The following MTR variants were observed in gnomAD, a reference collection of about 807,000 sequenced individuals.
MTR encodes the protein methionine synthase.
In MTR, 84 loss-of-function variants were observed where a neutral mutation model predicts 154.8. The ratio of observed to expected loss-of-function variants is 0.54; its 90% CI spans 0.45 to 0.65. The LOEUF is 0.65. Among genes scored for constraint, MTR ranks in the 30% least tolerant of loss-of-function variants. The pLI, the probability that MTR is intolerant of heterozygous loss-of-function variation, is 0.00. For synonymous variants in MTR, 554 were observed against 553.9 expected, an observed-to-expected ratio of 1.00 and a Z score of 0.00; for missense variants, 1,275 against 1,570.2, an observed-to-expected ratio of 0.81 and a Z score of 3.18.
intron 17 of MTR, 25 bp downstream of exon 17, chr1:236,852,662 T>C: frequency 5.6e-6 from 9 of 1,598,432 alleles, no homozygotes; most frequent in Non-Finnish European, 6.9e-6. Flanking sequence ...CTCTTAGCCC[T>C]GCGGAAACCA....
intron 16 of MTR, 108 bp downstream of exon 16, chr1:236,850,631 T>C: frequency 9.3e-7 from 1 of 1,073,104 alleles, no homozygotes. Context: ...AATGTTAACA[T>C]TCTTAGTTAG....
rs1039419220 is a variant in MTR at position 236,809,759 on chromosome 1, C to G, written c.410-744C>G. Among the ~76,000 whole-genome samples, 2 of 152,116 alleles carry G rather than the reference C, an allele frequency of 1.3e-5. 1 individual carries two copies. Among genetic ancestry groups the G allele is most frequent in the Non-Finnish European group, 2.9e-5 (2 of 68,010 alleles). ...TCCAGTTAAATTACAAAGCATAGCC[C>G]AGGTTATTGAGTGGCTAAAGTCATC... is the stretch of plus-strand genomic sequence containing the variant. On this transcript the variant is annotated intron_variant, in intron 4 of 32. Transcript: ENST00000366577.
chr1:236,809,782 A>T (rs1270550958), intron 4 of MTR, among the ~76,000 whole-genome samples: 1 of 152,224 alleles, frequency 6.6e-6, no homozygotes, highest in Admixed American at 6.5e-5. Flanking sequence ...GGCTAAAGTC[A>T]TCAAAGGTAA....
At chr1:236,846,670 A>G (rs1254104595) in intron 15 of MTR, among the ~76,000 whole-genome samples, 2 of 152,102 alleles carry the variant, frequency 1.3e-5, no homozygotes, top group South Asian at 2.1e-4. Context: ...TTATCCCTAA[A>G]TAGGCAATCT....
intron 8 of MTR, 103 bp downstream of exon 8, chr1:236,816,646 T>C (rs1395745348): frequency 2.1e-6 from 2 of 941,712 alleles, no homozygotes; most frequent in African/African-American, 3.2e-5. Flanking sequence ...ATATTTTCAC[T>C]GTACCACTTC....
intron 13 of MTR, among the ~76,000 whole-genome samples, chr1:236,833,511 T>C (rs562072551): frequency 1.3e-4 from 20 of 152,328 alleles, no homozygotes; most frequent in African/African-American, 4.3e-4. Context: ...CCTATTGTTG[T>C]ACAGCAAGTA....
intron 18 of MTR, among the ~76,000 whole-genome samples, chr1:236,859,178 G>A (rs1236760828): frequency 6.6e-6 from 1 of 152,228 alleles, no homozygotes; most frequent in African/African-American, 2.4e-5. Context: ...CCTGGTGAGG[G>A]CCTTCTTGCT....
At chr1:236,845,635 G>A (rs1162716917) in intron 15 of MTR, among the ~76,000 whole-genome samples, 2 of 152,166 alleles carry the variant, frequency 1.3e-5, no homozygotes, top group East Asian at 3.8e-4. Flanking sequence ...AACAGCCCAA[G>A]TGCCCAACTG....
chr1:236,800,806 C>G, intron 1 of MTR, among the ~76,000 whole-genome samples: 1 of 152,214 alleles, frequency 6.6e-6, no homozygotes, highest in Non-Finnish European at 1.5e-5. Context: ...ACTTGTGTGA[C>G]TTAAGAGGTC....
intron 8 of MTR, among the ~76,000 whole-genome samples, chr1:236,821,085 G>A (rs1661913217): frequency 6.6e-6 from 1 of 152,176 alleles, no homozygotes; most frequent in South Asian, 2.1e-4. Context: ...TACCTGAGAT[G>A]GTAATTTATA....
At chr1:236,867,241 A>G (rs1664868431) in intron 22 of MTR, among the ~76,000 whole-genome samples, 1 of 152,170 alleles carries the variant, frequency 6.6e-6, no homozygotes, top group Non-Finnish European at 1.5e-5. Context: ...CGCATTTGCC[A>G]TTCTGAAAAT....
chr1:236,836,616 GT>G (rs1225475132), intron 14 of MTR, among the ~76,000 whole-genome samples: 2 of 152,084 alleles, frequency 1.3e-5, no homozygotes, highest in Non-Finnish European at 2.9e-5. Flanking sequence ...TGAGCTCTTG[GT>G]TTTTTTATTA....
At chr1:236,832,105 G>A (rs758140121) in intron 13 of MTR, 27 bp downstream of exon 13, 2 of 1,547,128 alleles carry the variant, frequency 1.3e-6, no homozygotes, top group Non-Finnish European at 1.8e-6. Context: ...GACCCCTGAG[G>A]CATCTGCCCA....
rs560984818 is a variant in MTR at position 236,897,208 on chromosome 1, G to A, written c.3711+90G>A. On this transcript the variant is annotated intron_variant, in intron 32 of 32. Transcript: ENST00000366577. ...TTTTAAATGTGAATGAGAATAAAGTGAGGGGAAAGGATGAAGAAATTTACT... is the reference window on the plus strand; with the variant it reads ...TTTTAAATGTGAATGAGAATAAAGTAAGGGGAAAGGATGAAGAAATTTACT... 1.3e-4 allele frequency: 138 copies of A among 1,028,774 alleles called. 1 individual carries two copies. In the South Asian group the frequency reaches 1.7e-3, roughly 12 times the overall value. 63.7% of individuals were successfully genotyped at this position (1,028,774 alleles called of 1,614,324 possible).
At chr1:236,838,038 C>T (rs1663008312) in intron 14 of MTR, among the ~76,000 whole-genome samples, 1 of 152,142 alleles carries the variant, frequency 6.6e-6, no homozygotes, top group South Asian at 2.1e-4. Context: ...CCAAAGGACA[C>T]AAGGCTAAAC....
At chr1:236,884,981 C>G in intron 25 of MTR, 140 bp from the exon 26 acceptor site, 1 of 692,692 alleles carries the variant, frequency 1.4e-6, no homozygotes, top group Non-Finnish European at 2.6e-6. Flanking sequence ...TCCTGCACGC[C>G]AGGCAGGAAT....
Position 236,795,330 on chromosome 1 carries a change from G to A in MTR, c.-374G>A, listed in dbSNP as rs571509115. The A allele has an allele frequency of 1.7e-4, 223 of 1,288,602 alleles. No homozygotes were observed. Among genetic ancestry groups the A allele is most frequent in the Non-Finnish European group, 2.1e-4 (212 of 993,186 alleles). The allele number at this position is 1,288,602 out of a possible 1,614,324, so 79.8% of individuals were successfully genotyped here. A position where few individuals can be genotyped will look rare whatever the true frequency, so the allele number is the denominator to read the frequency against. ...CTCTGAAAGGTTCTAAATGTCTGCG[G>A]GGCTCAGAGCCGGATGTCACGTCGT... On this transcript the variant is annotated 5_prime_UTR_variant, in exon 1 of 33. Coordinates refer to ENST00000366577, the MANE Select transcript of MTR (RefSeq NM_000254.3).
At chr1:236,854,961 G>A (rs1664120058) in intron 18 of MTR, among the ~76,000 whole-genome samples, 1 of 152,088 alleles carries the variant, frequency 6.6e-6, no homozygotes. Context: ...TAACCACGAG[G>A]GCTTCTTATA....
chr1:236,879,147 C>G (rs1665591658), intron 24 of MTR, among the ~76,000 whole-genome samples: 1 of 152,208 alleles, frequency 6.6e-6, no homozygotes. Context: ...CCTCAATGAT[C>G]CACATTTACT....
Sources: allele counts gnomAD v4.1 joint callset (sites outside exome capture counted in the v4.1 genomes callset), GRCh38; gene constraint gnomAD v4.1.1; transcripts MANE v1.5; gene names NCBI Gene and HGNC (gene_info 2026-07-23, HGNC 2026-07-21).